The following GNB1L variants were observed in gnomAD, a reference collection of about 807,000 sequenced individuals.
GNB1L encodes the protein G protein subunit beta 1 like, also known as guanine nucleotide-binding protein subunit beta-like protein 1.
A neutral mutation model predicts 29.1 loss-of-function variants in GNB1L; 20 were observed. The ratio of observed to expected loss-of-function variants is 0.69; its 90% CI spans 0.48 to 1.00. The LOEUF is 1.00. Ranked by LOEUF, GNB1L falls within the 50% of genes least tolerant of loss-of-function variation. The pLI is 0.00. For synonymous variants in GNB1L, 193 were observed against 206.5 expected (o/e 0.93, Z 0.56); for missense variants, 421 against 464.9 (o/e 0.91, Z 0.87).
chr22:19,824,340 GC>G (rs148802014), intron 2 of GNB1L, among the ~76,000 whole-genome samples: 2,273 of 152,220 alleles, frequency 0.015, 52 homozygotes, highest in African/African-American at 0.051. Flanking sequence ...AGCAAAGGCC[GC>G]CCTTGCGCAA....
Position 19,820,660 on chromosome 22 carries a change from A to G in GNB1L, c.192T>C (p.Asp64=). Residue 64 remains aspartate, a synonymous_variant, in exon 4 of 8, where the codon GAT becomes GAC. Coordinates refer to ENST00000329517, the MANE Select transcript of GNB1L (RefSeq NM_053004.3). Reference sequence around the variant, plus strand: ...AGGTCACACACTGGCCGCCGTGGCCATCCAGGGTGGTAACCGCTCTCCGCG... The same window carrying G: ...AGGTCACACACTGGCCGCCGTGGCCGTCCAGGGTGGTAACCGCTCTCCGCG... ...LQTRRAVTTL[D]GHGGQCVTWL... is the part of the protein sequence containing the mutation. 1 of 1,613,532 alleles carries G rather than the reference A, an allele frequency of 6.2e-7. No individual in the cohort carries two copies. Among genetic ancestry groups the G allele is most frequent in the Non-Finnish European group, 8.5e-7 (1 of 1,179,918 alleles).
chr22:19,832,052 G>A (rs1937688202), intron 2 of GNB1L, among the ~76,000 whole-genome samples: 1 of 152,104 alleles, frequency 6.6e-6, no homozygotes, highest in Non-Finnish European at 1.5e-5. Context: ...ACCTAAGGCT[G>A]GGCACAGTGG....
intron 2 of GNB1L, among the ~76,000 whole-genome samples, chr22:19,831,622 C>T (rs1301842938): frequency 4.6e-5 from 7 of 150,794 alleles, no homozygotes; most frequent in African/African-American, 1.5e-4. Context: ...ACCCGGGAGG[C>T]GGAGCTTGTA....
chr22:19,843,941 T>C (rs1490555394), intron 2 of GNB1L, among the ~76,000 whole-genome samples: 2 of 152,160 alleles, frequency 1.3e-5, no homozygotes, highest in African/African-American at 2.4e-5. Context: ...CCCTAGGGTA[T>C]AGCTGCCCCC....
At chr22:19,827,832 C>T (rs1408413821) in intron 2 of GNB1L, among the ~76,000 whole-genome samples, 2 of 152,180 alleles carry the variant, frequency 1.3e-5, no homozygotes, top group Non-Finnish European at 2.9e-5. Context: ...GATAAACACC[C>T]TGAAGAAATT....
At chr22:19,790,502 TA>T (rs1569036872) in intron 7 of GNB1L, among the ~76,000 whole-genome samples, 1 of 151,828 alleles carries the variant, frequency 6.6e-6, no homozygotes, top group African/African-American at 2.4e-5. Context: ...CTGCATAAAG[TA>T]AAAAAAAGAT....
intron 7 of GNB1L, among the ~76,000 whole-genome samples, chr22:19,791,445 G>A (rs753172765): frequency 6.6e-6 from 1 of 152,206 alleles, no homozygotes; most frequent in Non-Finnish European, 1.5e-5. Flanking sequence ...GATGAGGTGG[G>A]CCTCCCAAAT....
chr22:19,839,354 A>C lies in GNB1L; in HGVS notation c.-21+15089T>G, dbSNP rs142107437. Among the ~76,000 whole-genome samples the C allele has an allele frequency of 4.6e-3, 706 of 152,220 alleles. 4 individuals carry two copies. The highest frequency in any genetic ancestry group is 6.5e-3 in the Non-Finnish European group (445 of 68,002). On this transcript the variant is annotated intron_variant, in intron 2 of 7. Coordinates refer to ENST00000329517, the MANE Select transcript of GNB1L (RefSeq NM_053004.3). ...AAAGTATCTAGGGATACTTTTCAAG[A>C]CCCCCAGTGGATGCCTAAAACCATG...
At chr22:19,835,904 G>T (rs985462746) in intron 2 of GNB1L, among the ~76,000 whole-genome samples, 1 of 152,116 alleles carries the variant, frequency 6.6e-6, no homozygotes, top group Non-Finnish European at 1.5e-5. Flanking sequence ...GTAGGATGCA[G>T]CTAAAACAGT....
chr22:19,811,157 T>C (rs140633382), intron 5 of GNB1L, among the ~76,000 whole-genome samples: 88 of 152,326 alleles, frequency 5.8e-4, no homozygotes, highest in African/African-American at 1.9e-3. Flanking sequence ...TAGCTCCTAA[T>C]TGGTTATTTA....
At chr22:19,852,409 G>A (rs1334449659) in intron 2 of GNB1L, 2 of 803,204 alleles carry the variant, frequency 2.5e-6, no homozygotes, top group Admixed American at 2.8e-5. Flanking sequence ...CTGAGGATCA[G>A]GGAGCTGACA....
At chr22:19,802,854 A>AGCCCCGC (rs1485748856) in intron 6 of GNB1L, among the ~76,000 whole-genome samples, 1 of 152,254 alleles carries the variant, frequency 6.6e-6, no homozygotes, top group African/African-American at 2.4e-5. Flanking sequence ...GAGGGCTCCA[A>AGCCCCGC]GCCCTGGGCA....
intron 2 of GNB1L, among the ~76,000 whole-genome samples, chr22:19,822,292 C>T (rs1038884006): frequency 1.3e-5 from 2 of 152,118 alleles, no homozygotes; most frequent in African/African-American, 2.4e-5. Context: ...CGTGCGGCTC[C>T]TTAGGAGAGC....
intron 2 of GNB1L, chr22:19,846,383 C>T (rs935888090): frequency 1.0e-6 from 1 of 978,102 alleles, no homozygotes; most frequent in African/African-American, 1.8e-5. Context: ...AAACAGCATC[C>T]CATACAGCAC....
chr22:19,810,922 G>A (rs62222096), intron 5 of GNB1L, among the ~76,000 whole-genome samples: 28,859 of 152,196 alleles, frequency 0.19, 2,941 homozygotes, highest in South Asian at 0.29. Context: ...CACAGGGGAC[G>A]TGTGGCAGGG....
chr22:19,848,887 G>A, intron 2 of GNB1L: 3 of 985,394 alleles, frequency 3.0e-6, no homozygotes, highest in Non-Finnish European at 3.6e-6. Flanking sequence ...AAGCCTGTGG[G>A]ACAGGGTAAA....
chr22:19,834,323 C>T (rs1250859532), intron 2 of GNB1L, among the ~76,000 whole-genome samples: 1 of 152,060 alleles, frequency 6.6e-6, no homozygotes, highest in Non-Finnish European at 1.5e-5. Flanking sequence ...GGGATGAAGG[C>T]AAAATAAAGA....
chr22:19,844,023 C>T (rs1937909206), intron 2 of GNB1L, among the ~76,000 whole-genome samples: 2 of 152,162 alleles, frequency 1.3e-5, no homozygotes, highest in Admixed American at 1.3e-4. Context: ...GCCCAGGTGC[C>T]CCAGGGCTGG....
intron 2 of GNB1L, among the ~76,000 whole-genome samples, chr22:19,825,867 A>C (rs144524524): frequency 0.014 from 2,193 of 152,266 alleles, 30 homozygotes; most frequent in Admixed American, 0.023. Context: ...CTGAGGTGGG[A>C]GAATCATTTG....
Sources: allele counts gnomAD v4.1 joint callset (sites outside exome capture counted in the v4.1 genomes callset), GRCh38; gene constraint gnomAD v4.1.1; transcripts MANE v1.5; gene names NCBI Gene and HGNC (gene_info 2026-07-23, HGNC 2026-07-21).